EXOC2: variants seen among roughly 807,000 people sequenced by gnomAD.
EXOC2 encodes the protein SEC5-like 1.
EXOC2 carries 70 observed loss-of-function variants against 131.8 expected under a neutral mutation model. That is an observed-to-expected ratio of 0.53 (90% CI 0.44 to 0.65). The LOEUF (loss-of-function observed/expected upper bound fraction) is 0.65. EXOC2 is among the 30% of genes least tolerant of loss of function. EXOC2 has a pLI of 0.00. For missense variants in EXOC2, 923 were observed against 1,108.6 expected (o/e 0.83, Z 2.38); for synonymous variants, 411 against 398.4 (o/e 1.03, Z -0.38).
intron 11 of EXOC2, among the ~76,000 whole-genome samples, chr6:591,895 T>C (rs1340976776): frequency 1.3e-5 from 2 of 152,214 alleles, no homozygotes; most frequent in South Asian, 2.1e-4. Flanking sequence ...CAAGCTGAGA[T>C]GGCTAGTAAG....
intron 6 of EXOC2, among the ~76,000 whole-genome samples, chr6:610,688 T>C (rs1002501077): frequency 1.3e-5 from 2 of 152,244 alleles, no homozygotes; most frequent in African/African-American, 4.8e-5. Flanking sequence ...GCATTTCAGA[T>C]AATTGGTCAG....
At chr6:668,092 T>A (rs1177023264) in intron 1 of EXOC2, among the ~76,000 whole-genome samples, 1 of 152,220 alleles carries the variant, frequency 6.6e-6, no homozygotes, top group Non-Finnish European at 1.5e-5. Flanking sequence ...TTTCTATTGG[T>A]TTTTGATTTT....
chr6:599,142 C>T lies in EXOC2; in HGVS notation c.826G>A (p.Val276Met). 1.2e-6 allele frequency: 2 copies of T among 1,613,274 alleles called. No individual in the cohort carries two copies. Among genetic ancestry groups the T allele is most frequent in the Non-Finnish European group, 1.7e-6 (2 of 1,179,562 alleles). Residue 276 changes from valine (V) to methionine (M), a missense_variant, in exon 8 of 28, where the codon GTG becomes ATG. By Grantham distance (21) the Val-to-Met change is conservative (BLOSUM62 1). Transcript: ENST00000230449. Reference sequence around the variant, plus strand: ...AAAAGAAACTTAAATCGCTGAAGCACATTGAGTGCATTTCTAGTGGAATCT... The same window carrying T: ...AAAAGAAACTTAAATCGCTGAAGCATATTGAGTGCATTTCTAGTGGAATCT... The part of the protein sequence containing the change: ...KADSTRNALN[V>M]LQRFKFLFNL...
chr6:542,964 G>A (rs1240802663), intron 22 of EXOC2, among the ~76,000 whole-genome samples: 1 of 152,066 alleles, frequency 6.6e-6, no homozygotes, highest in Non-Finnish European at 1.5e-5. Context: ...AAGAACAAGA[G>A]GAGCTCTGGG....
chr6:673,358 T>C (rs1287479508), intron 1 of EXOC2, among the ~76,000 whole-genome samples: 5 of 151,606 alleles, frequency 3.3e-5, no homozygotes, highest in East Asian at 1.9e-4. Context: ...TAGTGTTCCA[T>C]TAAATTAGTA....
At position 624,980 on chromosome 6, in the gene EXOC2, G is replaced by T. The variant is rs576882834; in HGVS notation, c.422+4855C>A. Among the ~76,000 whole-genome samples, 22 of 152,354 alleles carry T rather than the reference G, an allele frequency of 1.4e-4. 1 individual carries two copies. In the South Asian group the frequency reaches 4.3e-3, roughly 30 times the overall value. On this transcript the variant is annotated intron_variant, in intron 4 of 27. Coordinates refer to ENST00000230449, the MANE Select transcript of EXOC2 (RefSeq NM_018303.6). ...CACAGAGTTAGGACTGAAAGTGACA[G>T]AGACCCTACTGTGTAAACTCACGAA...
intron 10 of EXOC2, among the ~76,000 whole-genome samples, chr6:597,150 G>A (rs1454813064): frequency 6.6e-6 from 1 of 152,178 alleles, no homozygotes; most frequent in Admixed American, 6.5e-5. Context: ...TTCATATCCT[G>A]TGAAATTCAC....
chr6:564,471 G>A, intron 15 of EXOC2, 74 bp downstream of exon 15: 2 of 1,561,670 alleles, frequency 1.3e-6, no homozygotes, highest in Non-Finnish European at 1.7e-6. Flanking sequence ...CTTCTTCACT[G>A]AATGTATTAA....
At chr6:656,148 T>C (rs769241107) in intron 1 of EXOC2, 79 of 1,613,812 alleles carry the variant, frequency 4.9e-5, no homozygotes, top group Non-Finnish European at 6.6e-5. Flanking sequence ...GACATCTTCT[T>C]GAACCAAAAC....
intron 1 of EXOC2, among the ~76,000 whole-genome samples, chr6:684,126 A>G (rs1047320787): frequency 6.6e-6 from 1 of 152,212 alleles, no homozygotes; most frequent in African/African-American, 2.4e-5. Flanking sequence ...CCTCGCACGC[A>G]ACATCTACAA....
intron 26 of EXOC2, among the ~76,000 whole-genome samples, chr6:490,689 C>A (rs559494671): frequency 5.3e-5 from 8 of 152,342 alleles, no homozygotes; most frequent in African/African-American, 1.9e-4. Context: ...AGTTCTGCTT[C>A]ACTTCACCTA....
chr6:606,628 T>A (rs1297820168), intron 7 of EXOC2, among the ~76,000 whole-genome samples: 4 of 152,236 alleles, frequency 2.6e-5, no homozygotes, highest in Non-Finnish European at 5.9e-5. Context: ...CAACTTCTGA[T>A]ATTTTTTCCT....
At chr6:630,090 A>G in intron 3 of EXOC2, 129 bp from the exon 4 acceptor site, 1 of 1,137,090 alleles carries the variant, frequency 8.8e-7, no homozygotes, top group Non-Finnish European at 1.2e-6. Flanking sequence ...AAGAGATTTG[A>G]GGACATAACA....
At chr6:489,526 G>A (rs1393549981) in intron 26 of EXOC2, among the ~76,000 whole-genome samples, 1 of 152,162 alleles carries the variant, frequency 6.6e-6, no homozygotes, top group Non-Finnish European at 1.5e-5. Context: ...GTAGAAAAAT[G>A]GAGAGCTATA....
intron 4 of EXOC2, among the ~76,000 whole-genome samples, chr6:626,738 C>T (rs1312477098): frequency 1.3e-5 from 2 of 152,098 alleles, no homozygotes; most frequent in Non-Finnish European, 2.9e-5. Context: ...ATTACATGCG[C>T]CTGCCACCAC....
chr6:526,258 A>G (rs1765730416), intron 23 of EXOC2, among the ~76,000 whole-genome samples: 1 of 152,182 alleles, frequency 6.6e-6, no homozygotes, highest in African/African-American at 2.4e-5. Flanking sequence ...GCTTTACAGT[A>G]TCTGTCAATC....
intron 6 of EXOC2, among the ~76,000 whole-genome samples, chr6:615,864 T>C (rs1380631553): frequency 2.0e-5 from 3 of 152,176 alleles, no homozygotes; most frequent in Non-Finnish European, 4.4e-5. Context: ...ATATCACCTA[T>C]AAAAATAAAG....
chr6:641,098 C>T, intron 1 of EXOC2, among the ~76,000 whole-genome samples: 1 of 151,870 alleles, frequency 6.6e-6, no homozygotes, highest in East Asian at 1.9e-4. Flanking sequence ...TGAAATAAGG[C>T]ACAAAAGGCG....
In EXOC2 at chr6:497,491, TG is replaced by T; in HGVS notation, c.2437-3del. 1 of 1,608,198 alleles carries T rather than the reference TG, an allele frequency of 6.2e-7. No individual in the cohort carries two copies. Among genetic ancestry groups the T allele is most frequent in the Non-Finnish European group, 8.5e-7 (1 of 1,177,914 alleles). ...CAGTTCTTTGGAAATGGTGAACACC[TG>T]GTTTGAAATAGGAAGACATGGTGCT... is the stretch of plus-strand genomic sequence containing the variant. On this transcript the variant is annotated splice_region_variant and splice_polypyrimidine_tract_variant and intron_variant, in intron 24 of 27. Transcript: ENST00000230449.
Sources: gnomAD v4.1 joint callset for allele counts (sites outside exome capture counted in the v4.1 genomes callset) on GRCh38, gnomAD v4.1.1 for gene constraint, MANE v1.5 for transcripts, NCBI Gene and HGNC (gene_info 2026-07-23, HGNC 2026-07-21) for gene names.